VAV2: variants seen among roughly 807,000 people sequenced by gnomAD.
VAV2 encodes vav guanine nucleotide exchange factor 2, also known as guanine nucleotide exchange factor VAV2.
A neutral mutation model predicts 132.5 loss-of-function variants in VAV2; 67 were observed. The observed-to-expected ratio is 0.51, with a 90% CI of 0.42 to 0.62. The LOEUF is 0.62. Ranked by LOEUF, VAV2 falls within the 20% of genes least tolerant of loss-of-function variation. The pLI, the probability that VAV2 is intolerant of heterozygous loss-of-function variation, is 0.00. For missense variants in VAV2, 938 were observed against 1,153.6 expected, an observed-to-expected ratio of 0.81 and a Z score of 2.71; for synonymous variants, 492 against 443.5, an observed-to-expected ratio of 1.11 and a Z score of -1.37.
At position 133,964,056 on chromosome 9, in the gene VAV2, TATACATATATATAA is replaced by T. The variant is rs1564507755; in HGVS notation, c.205-24851_205-24838del. On this transcript the variant is annotated intron_variant, in intron 1 of 29. Transcript: ENST00000371850. ...ATATATATATATATATATACATATA[TATACATATATATAA>T]ATGAATAGGCCAGGTATGTTGGCTC... Among the ~76,000 whole-genome samples, 63 of 134,830 alleles carry T rather than the reference TATACATATATATAA, an allele frequency of 4.7e-4. 1 individual carries two copies. Among genetic ancestry groups the T allele is most frequent in the East Asian group, 2.3e-3 (11 of 4,754 alleles). The allele number at this position is 134,830 out of a possible 152,430, so 88.5% of individuals were successfully genotyped here. A position where few individuals can be genotyped will look rare whatever the true frequency, so the allele number is the denominator to read the frequency against.
chr9:133,911,023 G>A (rs898193320), intron 2 of VAV2, among the ~76,000 whole-genome samples: 1 of 152,070 alleles, frequency 6.6e-6, no homozygotes, highest in East Asian at 1.9e-4. Flanking sequence ...GAGCGCCGTG[G>A]CCTCCTGAGC....
Position 133,935,670 on chromosome 9 carries a change from A to AGCATTTTACTGAGCTCCAG in VAV2, c.321+3432_321+3433insCTGGAGCTCAGTAAAATGC, listed in dbSNP as rs1840881786. On this transcript the variant is annotated intron_variant, in intron 2 of 29. Coordinates refer to ENST00000371850, the MANE Select transcript of VAV2 (RefSeq NM_001134398.2). The surrounding 1 kb of genome is among the most constrained non-coding windows in gnomAD (Gnocchi z 5.2). ...AACCGTCAGGCTCCAGACCGTGGTG[A>AGCATTTTACTGAGCTCCAG]ACGTCCCAGCTCCCCAGCCTCCGCT... is the stretch of plus-strand genomic sequence containing the variant. 1.3e-5 allele frequency among the ~76,000 whole-genome samples: 2 copies of AGCATTTTACTGAGCTCCAG among 152,178 alleles called. No homozygotes were observed. The highest frequency in any genetic ancestry group is 2.9e-5 in the Non-Finnish European group (2 of 68,016).
intron 1 of VAV2, among the ~76,000 whole-genome samples, chr9:133,964,024 T>C (rs928096410): frequency 2.0e-5 from 1 of 49,788 alleles, no homozygotes; most frequent in African/African-American, 1.1e-4. Context: ...TATTCATTCA[T>C]ATATATATAT....
At chr9:133,948,619 G>GA (rs1275546528) in intron 1 of VAV2, among the ~76,000 whole-genome samples, 1 of 152,152 alleles carries the variant, frequency 6.6e-6, no homozygotes, top group Non-Finnish European at 1.5e-5. Context: ...GACAGAAAGG[G>GA]CTGCAACAAC....
In VAV2 at chr9:133,991,789, T is replaced by TC. The variant is rs1225362008; in HGVS notation, c.204+285dup. Reference sequence around the variant, plus strand: ...GCAGAGCGAGCGCAGCGCCGGAGCCTCCCCCATCCCAGGCCGCGCAGACCG... The same window carrying TC: ...GCAGAGCGAGCGCAGCGCCGGAGCCTCCCCCCATCCCAGGCCGCGCAGACCG... On this transcript the variant is annotated intron_variant, in intron 1 of 29. Coordinates refer to ENST00000371850, the MANE Select transcript of VAV2 (RefSeq NM_001134398.2). This position sits in a 1 kb window ranked among gnomAD's most constrained non-coding sequence, Gnocchi z 4.8. Among the ~76,000 whole-genome samples, 1 of 150,286 alleles carries TC rather than the reference T, an allele frequency of 6.7e-6. No individual in the cohort carries two copies. The highest frequency in any genetic ancestry group is 6.6e-5 in the Admixed American group (1 of 15,150).
chr9:133,777,931 CG>C (rs1833872905), intron 22 of VAV2, among the ~76,000 whole-genome samples: 1 of 152,172 alleles, frequency 6.6e-6, no homozygotes, highest in Admixed American at 6.5e-5. Context: ...TGTCAGCTCC[CG>C]CGGGAAGCTA....
In VAV2 at chr9:133,861,420, C is replaced by A. The variant is rs1227993424; in HGVS notation, c.334G>T (p.Val112Leu). The change falls in exon 3 of 30, where the codon GTG (valine) becomes TTG (leucine). Residue 112 changes from valine to leucine, a missense_variant. Physicochemically the swap from Val to Leu is conservative, Grantham distance 32. Coordinates refer to ENST00000371850, the MANE Select transcript of VAV2 (RefSeq NM_001134398.2). ...VRDFGKVISAVSRLSLHSIAQ... is the reference protein window; with the variant it reads ...VRDFGKVISALSRLSLHSIAQ... ...ATGCTGTGCAGGGAGAGCCTCGACACCGCGGAGATGACCTGGGGGAGACAA... is the reference window on the plus strand; with the variant it reads ...ATGCTGTGCAGGGAGAGCCTCGACAACGCGGAGATGACCTGGGGGAGACAA... 3.1e-6 allele frequency: 5 copies of A among 1,613,264 alleles called. No individual in the cohort carries two copies. The Admixed American group carries it at 8.3e-5, about 27-fold the overall frequency.
intron 1 of VAV2, among the ~76,000 whole-genome samples, chr9:133,964,252 G>A (rs1480017214): frequency 6.6e-6 from 1 of 150,700 alleles, no homozygotes; most frequent in African/African-American, 2.4e-5. Flanking sequence ...CAGCTACTAA[G>A]GAGGCTGAGG....
intron 1 of VAV2, among the ~76,000 whole-genome samples, chr9:133,951,304 G>A (rs1407518466): frequency 3.3e-5 from 5 of 152,340 alleles, no homozygotes; most frequent in African/African-American, 1.2e-4. Flanking sequence ...AACTACGGGG[G>A]CTGGAGAACA....
intron 2 of VAV2, among the ~76,000 whole-genome samples, chr9:133,901,949 C>A (rs1254991642): frequency 6.6e-6 from 1 of 152,194 alleles, no homozygotes; most frequent in African/African-American, 2.4e-5. Context: ...CTACCATGCA[C>A]CTCCTCCTAC....
chr9:133,892,619 C>A (rs1174940992), intron 2 of VAV2, among the ~76,000 whole-genome samples: 1 of 152,120 alleles, frequency 6.6e-6, no homozygotes, highest in Non-Finnish European at 1.5e-5. Flanking sequence ...CCTGGGTCTC[C>A]GTGCCTGAAT....
chr9:133,785,890 A>AG lies in VAV2; in HGVS notation c.1423-6dup. On this transcript the variant is annotated splice_polypyrimidine_tract_variant and splice_region_variant and intron_variant, in intron 16 of 29. Coordinates refer to ENST00000371850, the MANE Select transcript of VAV2 (RefSeq NM_001134398.2). ...TAGGTAGAAGCCGTAGGACCACTGC[A>AG]GGGGGGAGAGGGGCCATGCTTGCAA... 1.2e-6 allele frequency: 2 copies of AG among 1,611,482 alleles called. No individual in the cohort carries two copies. The highest frequency in any genetic ancestry group is 8.5e-7 in the Non-Finnish European group (1 of 1,178,498).
intron 25 of VAV2, among the ~76,000 whole-genome samples, chr9:133,774,280 C>T (rs1263194225): frequency 1.3e-5 from 2 of 152,178 alleles, no homozygotes; most frequent in Non-Finnish European, 2.9e-5. Flanking sequence ...TGCGCCCTAC[C>T]CCCAGCTCCT....
chr9:133,967,933 C>CAAAAA (rs34152925), intron 1 of VAV2, among the ~76,000 whole-genome samples: 4 of 71,356 alleles, frequency 5.6e-5, no homozygotes, highest in Admixed American at 1.8e-4. Flanking sequence ...ACTCTATAAC[C>CAAAAA]AAAAAAAAAA....
At chr9:133,985,687 G>T (rs915945633) in intron 1 of VAV2, among the ~76,000 whole-genome samples, 1 of 152,182 alleles carries the variant, frequency 6.6e-6, no homozygotes, top group African/African-American at 2.4e-5. Context: ...GGTAAGCCTG[G>T]AACATCTTGT....
In VAV2 at chr9:133,794,778, T is replaced by C. The variant is rs141084884; in HGVS notation, c.1101+890A>G. 1.2e-4 allele frequency among the ~76,000 whole-genome samples: 18 copies of C among 152,232 alleles called. No individual in the cohort carries two copies. The highest frequency in any genetic ancestry group is 2.5e-4 in the Non-Finnish European group (17 of 67,992). ...CACATGCCAGGTGCTGTGCCTGGCC[T>C]GGGGACACAGGTGACTATGGCTGAC... On this transcript the variant is annotated intron_variant, in intron 12 of 29. Transcript: ENST00000371850. This position sits in a 1 kb window ranked among gnomAD's most constrained non-coding sequence, Gnocchi z 4.6.
At chr9:133,980,208 G>A (rs893338604) in intron 1 of VAV2, among the ~76,000 whole-genome samples, 8 of 152,198 alleles carry the variant, frequency 5.3e-5, no homozygotes, top group Admixed American at 3.3e-4. Context: ...CCATTTTGCC[G>A]GTGGAGGGGG....
chr9:133,935,605 A>G lies in VAV2; in HGVS notation c.321+3498T>C, dbSNP rs2519811. On this transcript the variant is annotated intron_variant, in intron 2 of 29. Transcript: ENST00000371850. The surrounding 1 kb of genome is among the most constrained non-coding windows in gnomAD (Gnocchi z 5.2). ...TTTGCTTGTGTTTTGTTTTTCCAGA[A>G]CACCTGTCCCGGAGAAGCCAGGAGG... is the stretch of plus-strand genomic sequence containing the variant. Among the ~76,000 whole-genome samples, 57,186 of 152,114 alleles carry G rather than the reference A, an allele frequency of 0.38. 11,625 individuals carry two copies. Among genetic ancestry groups the G allele is most frequent in the Middle Eastern group, 0.47 (138 of 294 alleles).
intron 2 of VAV2, among the ~76,000 whole-genome samples, chr9:133,887,006 C>A (rs1256813132): frequency 2.0e-5 from 3 of 152,146 alleles, no homozygotes; most frequent in Non-Finnish European, 1.5e-5. Context: ...TGCCAAGCCC[C>A]CCCTCCCCAC....
Sources: gnomAD v4.1 joint callset for allele counts (sites outside exome capture counted in the v4.1 genomes callset) on GRCh38, gnomAD v4.1.1 for gene constraint, Gnocchi (gnomAD v3.1) non-coding constraint, MANE v1.5 for transcripts, NCBI Gene and HGNC (gene_info 2026-07-23, HGNC 2026-07-21) for gene names.